Variants in CNTN4 observed in about 807,000 individuals in gnomAD.
CNTN4 encodes contactin-4.
CNTN4 carries 77 observed loss-of-function variants against 122.5 expected under a neutral mutation model. That is an observed-to-expected ratio of 0.63 (90% CI 0.52 to 0.76). The LOEUF is 0.76. Among genes scored for constraint, CNTN4 ranks in the 30% least tolerant of loss-of-function variants. CNTN4 has a pLI of 0.00. For missense variants in CNTN4, 1,256 were observed against 1,259.1 expected, an observed-to-expected ratio of 1.00 and a Z score of 0.04; for synonymous variants, 512 against 447.0, an observed-to-expected ratio of 1.15 and a Z score of -1.83.
Position 2,406,701 on chromosome 3 carries a change from T to C in CNTN4, c.-89+67468T>C, listed in dbSNP as rs77961607. Among the ~76,000 whole-genome samples the C allele has an allele frequency of 4.5e-3, 685 of 152,306 alleles. 6 individuals carry two copies. The highest frequency in any genetic ancestry group is 0.016 in the African/African-American group (658 of 41,568). On this transcript the variant is annotated intron_variant, in intron 3 of 24. Transcript: ENST00000418658. Reference sequence around the variant, plus strand: ...TTTTGAGTCTCACATTGTCCATCTGTAAAGTTTGCCTAACAATACAGAGCC... The same window carrying C: ...TTTTGAGTCTCACATTGTCCATCTGCAAAGTTTGCCTAACAATACAGAGCC...
intron 4 of CNTN4, among the ~76,000 whole-genome samples, chr3:2,660,520 C>G (rs2083834303): frequency 6.6e-6 from 1 of 152,134 alleles, no homozygotes; most frequent in African/African-American, 2.4e-5. Context: ...CTGCTTCAGG[C>G]CTGTCTTAAC....
chr3:2,566,729 C>G (rs891508758), intron 3 of CNTN4, among the ~76,000 whole-genome samples: 2 of 152,196 alleles, frequency 1.3e-5, no homozygotes, highest in Non-Finnish European at 2.9e-5. Context: ...GGCATGATCC[C>G]TAACCTACAA....
At chr3:2,296,088 G>A (rs1385246040) in intron 2 of CNTN4, among the ~76,000 whole-genome samples, 2 of 152,132 alleles carry the variant, frequency 1.3e-5, no homozygotes, top group Non-Finnish European at 1.5e-5. Flanking sequence ...TAGCCTTGTA[G>A]TATAGTTTGA....
chr3:2,815,536 A>G (rs978211024), intron 6 of CNTN4, among the ~76,000 whole-genome samples: 3 of 152,176 alleles, frequency 2.0e-5, no homozygotes, highest in African/African-American at 7.2e-5. Flanking sequence ...CAAAACCACA[A>G]TGTGATACCG....
chr3:2,745,031 C>T (rs1479243880), intron 5 of CNTN4, among the ~76,000 whole-genome samples: 1 of 152,202 alleles, frequency 6.6e-6, no homozygotes, highest in East Asian at 1.9e-4. Flanking sequence ...CTCTGCTTTG[C>T]AGCCAGCCAT....
At chr3:2,248,129 AG>A (rs2149662635) in intron 2 of CNTN4, among the ~76,000 whole-genome samples, 1 of 152,070 alleles carries the variant, frequency 6.6e-6, no homozygotes, top group South Asian at 2.1e-4. Flanking sequence ...AACCTATAAA[AG>A]TTCCTGGCTC....
At chr3:3,038,655 G>A (rs1699853736) in intron 18 of CNTN4, among the ~76,000 whole-genome samples, 2 of 152,156 alleles carry the variant, frequency 1.3e-5, no homozygotes, top group Non-Finnish European at 2.9e-5. Context: ...GGAACCCCTC[G>A]GCCTCTAGGG....
intron 3 of CNTN4, among the ~76,000 whole-genome samples, chr3:2,387,243 A>G (rs2046287384): frequency 6.6e-6 from 1 of 152,222 alleles, no homozygotes; most frequent in Non-Finnish European, 1.5e-5. Context: ...TCTCTTAAAA[A>G]TGCTTTTGGT....
At chr3:3,045,075 A>G (rs945899068) in intron 23 of CNTN4, among the ~76,000 whole-genome samples, 10 of 152,212 alleles carry the variant, frequency 6.6e-5, no homozygotes, top group Non-Finnish European at 1.2e-4. Context: ...GCAAGGCAGC[A>G]GTGAGGCTGG....
At chr3:2,794,615 G>A (rs140581768) in intron 6 of CNTN4, among the ~76,000 whole-genome samples, 4 of 152,286 alleles carry the variant, frequency 2.6e-5, no homozygotes, top group Non-Finnish European at 4.4e-5. Flanking sequence ...TCACTTGACC[G>A]CTCAAGGCTT....
chr3:2,390,541 T>G (rs2046406484), intron 3 of CNTN4, among the ~76,000 whole-genome samples: 1 of 152,186 alleles, frequency 6.6e-6, no homozygotes, highest in African/African-American at 2.4e-5. Flanking sequence ...TGAATTGATA[T>G]GAATACCGAA....
At chr3:2,290,420 G>A (rs9310707) in intron 2 of CNTN4, among the ~76,000 whole-genome samples, 57,685 of 152,036 alleles carry the variant, frequency 0.38, 11,223 homozygotes, top group South Asian at 0.54. Flanking sequence ...ACATTTATAC[G>A]TACAACACCT....
intron 18 of CNTN4, chr3:3,037,728 G>T (rs756169414): frequency 6.8e-6 from 2 of 295,134 alleles, no homozygotes; most frequent in Non-Finnish European, 1.3e-5. Context: ...CCACCATGGG[G>T]TAATCCTGTT....
chr3:2,932,303 A>G (rs528359220), intron 13 of CNTN4, among the ~76,000 whole-genome samples: 39 of 152,276 alleles, frequency 2.6e-4, no homozygotes, highest in South Asian at 2.3e-3. Context: ...GCGTGAACCC[A>G]GAAGGCGGAG....
At chr3:2,152,983 TG>T (rs1335438272) in intron 2 of CNTN4, among the ~76,000 whole-genome samples, 4 of 152,170 alleles carry the variant, frequency 2.6e-5, no homozygotes, top group Non-Finnish European at 5.9e-5. Context: ...GGGCTGCCCA[TG>T]GAGCCTGCTT....
At chr3:2,217,128 C>T (rs2038876845) in intron 2 of CNTN4, among the ~76,000 whole-genome samples, 2 of 152,158 alleles carry the variant, frequency 1.3e-5, no homozygotes, top group South Asian at 4.1e-4. Flanking sequence ...AATTCAGCCT[C>T]TGAAATTCAG....
chr3:2,569,572 T>G (rs750746063), intron 3 of CNTN4, among the ~76,000 whole-genome samples: 3 of 152,196 alleles, frequency 2.0e-5, no homozygotes, highest in Non-Finnish European at 2.9e-5. Context: ...AATAACAAGT[T>G]GAGACCACAG....
chr3:2,259,960 T>G (rs538047117), intron 2 of CNTN4, among the ~76,000 whole-genome samples: 15 of 152,320 alleles, frequency 9.8e-5, no homozygotes, highest in African/African-American at 3.6e-4. Context: ...TGTCACTCTT[T>G]GTTATTTTCA....
At chr3:2,651,713 T>C (rs2083367900) in intron 4 of CNTN4, among the ~76,000 whole-genome samples, 1 of 151,182 alleles carries the variant, frequency 6.6e-6, no homozygotes, top group Admixed American at 6.6e-5. Context: ...TTTTTCTTTT[T>C]TTTTTTTGAG....
Sources: allele counts gnomAD v4.1 joint callset (sites outside exome capture counted in the v4.1 genomes callset), GRCh38; gene constraint gnomAD v4.1.1; transcripts MANE v1.5; gene names NCBI Gene and HGNC (gene_info 2026-07-23, HGNC 2026-07-21).